Variants in PTGIS observed in about 807,000 individuals in gnomAD.
PTGIS encodes prostaglandin I2 synthase, also known as prostacyclin synthase.
PTGIS carries 45 observed loss-of-function variants against 50.3 expected under a neutral mutation model. The observed-to-expected ratio is 0.90, with a 90% CI of 0.70 to 1.15. The LOEUF is 1.15. Among genes scored for constraint, PTGIS ranks in the 50% most tolerant of loss-of-function variants. The pLI, the probability that PTGIS is intolerant of heterozygous loss-of-function variation, is 0.00. For synonymous variants in PTGIS, 260 were observed against 267.7 expected (o/e 0.97, Z 0.28); for missense variants, 668 against 661.3 (o/e 1.01, Z -0.11).
chr20:49,531,951 G>C (rs748212889), intron 5 of PTGIS, among the ~76,000 whole-genome samples: 2 of 152,100 alleles, frequency 1.3e-5, no homozygotes, highest in Non-Finnish European at 2.9e-5. Context: ...TTTAATGTCT[G>C]CATAAAGGCC....
chr20:49,518,579 G>T (rs535652710), intron 6 of PTGIS, among the ~76,000 whole-genome samples: 5 of 152,116 alleles, frequency 3.3e-5, no homozygotes, highest in African/African-American at 1.2e-4. Context: ...GCTGGGTGAA[G>T]GGTATTTGGG....
chr20:49,547,764 A>C (rs926708410), intron 3 of PTGIS, 77 bp downstream of exon 3: 2 of 1,509,616 alleles, frequency 1.3e-6, no homozygotes, highest in East Asian at 2.3e-5. Flanking sequence ...TTTGGAACCA[A>C]GAATAACTTG....
Position 49,539,590 on chromosome 20 carries a change from G to C in PTGIS, c.653C>G (p.Ala218Gly). 4 of 1,613,876 alleles carry C rather than the reference G, an allele frequency of 2.5e-6. No individual in the cohort carries two copies. The highest frequency in any genetic ancestry group is 1.1e-5 in the South Asian group (1 of 90,976). ...RQLDRLLPKL[A>G]RGSLSVGDKD... ...CTTACCCACTGACAGGGAGCCACGG[G>C]CCAGTTTGGGGAGCAGCCGGTCGAG... is the stretch of plus-strand genomic sequence containing the variant. The change falls in exon 5 of 10, where the codon GCC becomes GGC. Residue 218 changes from alanine (A) to glycine (G), a missense_variant. Coordinates refer to ENST00000244043, the MANE Select transcript of PTGIS (RefSeq NM_000961.4).
rs574057947 is a variant in PTGIS at position 49,550,265 on chromosome 20, T to TTTTGAATGGAGCAGTCGG, written c.75-94_75-77dup. The TTTTGAATGGAGCAGTCGG allele has an allele frequency of 2.7e-4, 420 of 1,574,384 alleles. 2 individuals are homozygous for TTTTGAATGGAGCAGTCGG. In the African/African-American group the frequency reaches 5.1e-3, roughly 19 times the overall value. On this transcript the variant is annotated intron_variant, in intron 1 of 9. Coordinates refer to ENST00000244043, the MANE Select transcript of PTGIS (RefSeq NM_000961.4). ...AAAGAGTGTAGGTTGCAGAGTGTGA[T>TTTTGAATGGAGCAGTCGG]TTTGAATGGAGCAGTCGGGGAGGTA...
At chr20:49,543,235 T>C (rs1982275623) in intron 4 of PTGIS, among the ~76,000 whole-genome samples, 1 of 151,966 alleles carries the variant, frequency 6.6e-6, no homozygotes, top group Admixed American at 6.6e-5. Context: ...CAGTGAACTC[T>C]ATCTCCAAAA....
chr20:49,511,425 T>C (rs917708248), intron 8 of PTGIS, among the ~76,000 whole-genome samples: 1 of 152,242 alleles, frequency 6.6e-6, no homozygotes, highest in Non-Finnish European at 1.5e-5. Context: ...ATATATTGCA[T>C]GATCCTATAC....
At chr20:49,512,437 A>G (rs1380341258) in intron 8 of PTGIS, among the ~76,000 whole-genome samples, 2 of 152,018 alleles carry the variant, frequency 1.3e-5, no homozygotes, top group Admixed American at 1.3e-4. Context: ...GGGCGGATGG[A>G]TAGATGAATG....
chr20:49,544,528 A>G, intron 3 of PTGIS, 80 bp from the exon 4 acceptor site: 1 of 1,542,832 alleles, frequency 6.5e-7, no homozygotes, highest in Non-Finnish European at 8.9e-7. Flanking sequence ...CCCCAAACCT[A>G]AGGGTCCCAG....
chr20:49,507,980 G>A lies in PTGIS; in HGVS notation c.1443C>T (p.Tyr481=), dbSNP rs369974031. The change falls in exon 10 of 10, where the codon TAC becomes TAT. Residue 481 remains tyrosine, a synonymous_variant. Transcript: ENST00000244043. Reference sequence around the variant, plus strand: ...GTTCCGGCTGCATCAGACCGAAGCCGTACCTGCTGAGGTCAAACTCAGGGA... The same window carrying A: ...GTTCCGGCTGCATCAGACCGAAGCCATACCTGCTGAGGTCAAACTCAGGGA... ...VEIPEFDLSR[Y]GFGLMQPEHD... 9.1e-5 allele frequency: 147 copies of A among 1,613,828 alleles called. No homozygotes were observed. The South Asian group carries it at 1.5e-3, about 16-fold the overall frequency.
chr20:49,520,881 G>T (rs1981636829), intron 6 of PTGIS, among the ~76,000 whole-genome samples: 1 of 152,166 alleles, frequency 6.6e-6, no homozygotes, highest in African/African-American at 2.4e-5. Flanking sequence ...GTCTTGCTAT[G>T]TTGCCCAGGC....
intron 5 of PTGIS, among the ~76,000 whole-genome samples, chr20:49,529,952 C>T (rs550921929): frequency 6.6e-6 from 1 of 152,110 alleles, no homozygotes; most frequent in Admixed American, 6.5e-5. Context: ...GTCGGGAGTT[C>T]GAGTCCAGTA....
intron 5 of PTGIS, among the ~76,000 whole-genome samples, chr20:49,539,336 C>T (rs1405389348): frequency 6.6e-6 from 1 of 152,218 alleles, no homozygotes; most frequent in Non-Finnish European, 1.5e-5. Context: ...GATTCTCCAG[C>T]CCCACTCTAA....
intron 5 of PTGIS, among the ~76,000 whole-genome samples, 182 bp from the exon 6 acceptor site, chr20:49,524,421 T>C (rs1251020742): frequency 6.6e-6 from 1 of 152,054 alleles, no homozygotes; most frequent in African/African-American, 2.4e-5. Flanking sequence ...CAATACCAAA[T>C]TGCTTATTAT....
At chr20:49,541,850 G>A (rs530274460) in intron 4 of PTGIS, among the ~76,000 whole-genome samples, 1 of 152,150 alleles carries the variant, frequency 6.6e-6, no homozygotes, top group Non-Finnish European at 1.5e-5. Context: ...AAAAGAGCAC[G>A]GCTGAAGACA....
chr20:49,514,139 G>T, intron 7 of PTGIS, 88 bp downstream of exon 7: 1 of 1,503,110 alleles, frequency 6.7e-7, no homozygotes, highest in East Asian at 2.3e-5. Context: ...GATGGACCCT[G>T]GAAGACAGGA....
intron 5 of PTGIS, among the ~76,000 whole-genome samples, chr20:49,526,756 T>C (rs1347862101): frequency 3.9e-5 from 6 of 152,024 alleles, no homozygotes; most frequent in Non-Finnish European, 7.4e-5. Context: ...CATTAGAAAA[T>C]GCATGTAAAA....
chr20:49,519,064 G>T (rs184735360), intron 6 of PTGIS, among the ~76,000 whole-genome samples: 26 of 152,252 alleles, frequency 1.7e-4, no homozygotes, highest in African/African-American at 6.3e-4. Context: ...TTCAGTCCTG[G>T]CATTACCAGC....
At chr20:49,555,838 A>G (rs1982613127) in intron 1 of PTGIS, among the ~76,000 whole-genome samples, 1 of 152,160 alleles carries the variant, frequency 6.6e-6, no homozygotes, top group Non-Finnish European at 1.5e-5. Context: ...TCTGAGGAGT[A>G]CTCTTAAACA....
At chr20:49,526,318 C>T (rs376132677) in intron 5 of PTGIS, among the ~76,000 whole-genome samples, 3 of 152,336 alleles carry the variant, frequency 2.0e-5, no homozygotes, top group African/African-American at 7.2e-5. Flanking sequence ...AAATTTAACA[C>T]AGCTTTAGAA....
Sources: allele counts gnomAD v4.1 joint callset (sites outside exome capture counted in the v4.1 genomes callset), GRCh38; gene constraint gnomAD v4.1.1; transcripts MANE v1.5; gene names NCBI Gene and HGNC (gene_info 2026-07-23, HGNC 2026-07-21).